The following MARCHF8 variants were observed in gnomAD, a reference collection of about 807,000 sequenced individuals.
MARCHF8 encodes membrane associated ring-CH-type finger 8, also known as E3 ubiquitin-protein ligase MARCHF8.
Under a neutral mutation model 51.6 loss-of-function variants are expected in MARCHF8, and 40 were observed. The observed-to-expected ratio is 0.77, with a 90% CI of 0.60 to 1.01. The LOEUF is 1.01. MARCHF8 is among the 50% of genes least tolerant of loss of function. MARCHF8 has a pLI of 0.00. For missense variants in MARCHF8, 685 were observed against 708.6 expected, an observed-to-expected ratio of 0.97 and a Z score of 0.38; for synonymous variants, 263 against 280.3, an observed-to-expected ratio of 0.94 and a Z score of 0.62.
At chr10:45,527,920 T>C (rs1564502984) in intron 2 of MARCHF8, among the ~76,000 whole-genome samples, 1 of 152,176 alleles carries the variant, frequency 6.6e-6, no homozygotes, top group East Asian at 1.9e-4. Flanking sequence ...AAGTGGGTTA[T>C]ATTCCAGGGA....
chr10:45,476,049 T>C (rs2042781338), intron 3 of MARCHF8, among the ~76,000 whole-genome samples: 1 of 152,170 alleles, frequency 6.6e-6, no homozygotes, highest in South Asian at 2.1e-4. Flanking sequence ...ACCAACACCA[T>C]AGACACACCC....
At chr10:45,473,710 G>A (rs2042736064) in intron 3 of MARCHF8, among the ~76,000 whole-genome samples, 1 of 152,050 alleles carries the variant, frequency 6.6e-6, no homozygotes, top group East Asian at 1.9e-4. Flanking sequence ...CCTCCTCTGC[G>A]AATTTCAATC....
At chr10:45,500,883 A>G (rs1224152993) in intron 2 of MARCHF8, among the ~76,000 whole-genome samples, 1 of 152,010 alleles carries the variant, frequency 6.6e-6, no homozygotes, top group East Asian at 1.9e-4. Context: ...ATACATATAT[A>G]TAACACACAT....
chr10:45,537,040 G>A (rs1291629651), upstream of MARCHF8, among the ~76,000 whole-genome samples: 1 of 152,046 alleles, frequency 6.6e-6, no homozygotes, highest in East Asian at 1.9e-4. Flanking sequence ...TATACTGCTA[G>A]TGAGGATCTA....
At chr10:45,544,976 C>G (rs2044102178) in intron 1 of MARCHF8, among the ~76,000 whole-genome samples, 1 of 152,144 alleles carries the variant, frequency 6.6e-6, no homozygotes, top group African/African-American at 2.4e-5. Flanking sequence ...CTCCCAGCAC[C>G]TTACCATCAC....
In MARCHF8 at chr10:45,456,016, G is replaced by A. The variant is rs1842593579; in HGVS notation, c.*2223C>T. 6.6e-6 allele frequency: 1 copy of A among 152,252 alleles called. No individual in the cohort carries two copies. Among genetic ancestry groups the A allele is most frequent in the Non-Finnish European group, 1.5e-5 (1 of 68,058 alleles). The allele number at this position is 152,252 out of a possible 1,614,324, so 9.4% of individuals were successfully genotyped here. A position where few individuals can be genotyped will look rare whatever the true frequency, so the allele number is the denominator to read the frequency against. ...TTTCTTGTCTACAGGAAGTCTTGGT[G>A]CTTTTCAAGTTCAGCATAAGGGGTT... is the stretch of plus-strand genomic sequence containing the variant. On this transcript the variant is annotated 3_prime_UTR_variant, in exon 8 of 8. Transcript: ENST00000453424.
chr10:45,532,033 C>G (rs2043895955), intron 2 of MARCHF8, among the ~76,000 whole-genome samples: 1 of 152,182 alleles, frequency 6.6e-6, no homozygotes, highest in African/African-American at 2.4e-5. Flanking sequence ...CCTGGTTCAA[C>G]TGCTCTTCCA....
rs1842781434 is a variant in MARCHF8, at chr10:45,461,401, A to G, written c.1099T>C (p.Cys367Arg). The G allele has an allele frequency of 6.3e-7, 1 of 1,575,464 alleles. No individual in the cohort carries two copies. Among genetic ancestry groups the G allele is most frequent in the Non-Finnish European group, 8.6e-7 (1 of 1,163,084 alleles). ...TSGDVCRICH[C>R]EGDDESPLIT... ...AGGGGGCTCTCATCATCTCCTTCAC[A>G]GTGGCAGATCCTATGGTGGAAGGAA... The change falls in exon 6 of 8, where the codon TGT (cysteine) becomes CGT (arginine). Residue 367 changes from cysteine to arginine, a missense_variant. By Grantham distance (180) the Cys-to-Arg change is radical. Coordinates refer to ENST00000453424, the MANE Select transcript of MARCHF8 (RefSeq NM_001282866.2).
upstream of MARCHF8, among the ~76,000 whole-genome samples, chr10:45,536,704 T>C (rs2043974830): frequency 6.6e-6 from 1 of 151,606 alleles, no homozygotes; most frequent in African/African-American, 2.4e-5. Context: ...CTCAGTAACA[T>C]AAGGGCAAGG....
chr10:45,488,483 C>T (rs574971615), intron 3 of MARCHF8, among the ~76,000 whole-genome samples: 2 of 151,180 alleles, frequency 1.3e-5, no homozygotes, highest in African/African-American at 2.4e-5. Context: ...TACAGGGAGC[C>T]GAAGACCCAT....
chr10:45,511,081 CAT>C (rs1321917439), intron 2 of MARCHF8, among the ~76,000 whole-genome samples: 3 of 152,142 alleles, frequency 2.0e-5, no homozygotes, highest in Non-Finnish European at 2.9e-5. Context: ...TGATTAGAAT[CAT>C]AATATTTTAG....
At chr10:45,510,832 A>G (rs1490925710) in intron 2 of MARCHF8, among the ~76,000 whole-genome samples, 2 of 152,158 alleles carry the variant, frequency 1.3e-5, no homozygotes, top group Non-Finnish European at 2.9e-5. Context: ...TCCTCTATAA[A>G]GTGGACTATG....
At chr10:45,465,075 G>A (rs1437619669) in intron 3 of MARCHF8, among the ~76,000 whole-genome samples, 1 of 152,150 alleles carries the variant, frequency 6.6e-6, no homozygotes, top group East Asian at 1.9e-4. Flanking sequence ...GGAAGGAGAG[G>A]AAGCACTGCA....
At chr10:45,578,605 C>T (rs1404525896) in intron 1 of MARCHF8, among the ~76,000 whole-genome samples, 3 of 152,126 alleles carry the variant, frequency 2.0e-5, no homozygotes, top group Non-Finnish European at 2.9e-5. Context: ...GATATTAACA[C>T]ATTGTCAACA....
chr10:45,517,245 T>C (rs1425903678), intron 2 of MARCHF8, among the ~76,000 whole-genome samples: 1 of 152,224 alleles, frequency 6.6e-6, no homozygotes, highest in African/African-American at 2.4e-5. Context: ...TAGGGCCTCC[T>C]TCCATTCCCC....
intron 2 of MARCHF8, among the ~76,000 whole-genome samples, chr10:45,500,989 T>C (rs553805736): frequency 6.6e-5 from 10 of 152,140 alleles, no homozygotes; most frequent in Admixed American, 2.0e-4. Flanking sequence ...ATGAATCTGA[T>C]TGCTGATGCT....
chr10:45,464,078 A>T, intron 4 of MARCHF8, 82 bp from the exon 5 acceptor site: 1 of 1,504,774 alleles, frequency 6.6e-7, no homozygotes, highest in Non-Finnish European at 8.9e-7. Context: ...AAGAAATGAG[A>T]CTAGCATGGG....
intron 1 of MARCHF8, among the ~76,000 whole-genome samples, chr10:45,586,205 C>T (rs911666990): frequency 1.3e-5 from 2 of 152,140 alleles, no homozygotes; most frequent in Admixed American, 6.5e-5. Flanking sequence ...TTCTCTTTTG[C>T]TCCTCTGCAG....
intron 1 of MARCHF8, among the ~76,000 whole-genome samples, chr10:45,533,828 T>G (rs1417876824): frequency 6.6e-6 from 1 of 152,192 alleles, no homozygotes; most frequent in African/African-American, 2.4e-5. Context: ...TTTTAGGCAC[T>G]GTGGTCCAAG....
Sources: allele counts gnomAD v4.1 joint callset (sites outside exome capture counted in the v4.1 genomes callset), GRCh38; gene constraint gnomAD v4.1.1; transcripts MANE v1.5; gene names NCBI Gene and HGNC (gene_info 2026-07-23, HGNC 2026-07-21).